Variants in TENM2 observed in about 807,000 individuals in gnomAD.
The protein encoded by TENM2 is teneurin-2.
A neutral mutation model predicts 245.2 loss-of-function variants in TENM2; 52 were observed. That is an observed-to-expected ratio of 0.21 (90% CI 0.17 to 0.27). The LOEUF (loss-of-function observed/expected upper bound fraction) is 0.27. Ranked by LOEUF, TENM2 falls within the 10% of genes least tolerant of loss-of-function variation. The pLI is 1.00. For synonymous variants in TENM2, 1,363 were observed against 1,438.9 expected, an observed-to-expected ratio of 0.95 and a Z score of 1.19; for missense variants, 3,046 against 3,666.8, an observed-to-expected ratio of 0.83 and a Z score of 4.37.
At chr5:168,035,690 G>A (rs1034180740) in intron 5 of TENM2, among the ~76,000 whole-genome samples, 1 of 152,092 alleles carries the variant, frequency 6.6e-6, no homozygotes, top group Non-Finnish European at 1.5e-5. Flanking sequence ...AGGATCTGAG[G>A]GCACCGATTC....
chr5:167,657,820 G>A (rs1754948308), intron 2 of TENM2, among the ~76,000 whole-genome samples: 1 of 152,130 alleles, frequency 6.6e-6, no homozygotes, highest in South Asian at 2.1e-4. Context: ...TAGATAGTAG[G>A]CCAAATGTGG....
At position 167,470,454 on chromosome 5, in the gene TENM2, C is replaced by CTTTTTTTTTTTTTTTTTTTT. The variant is rs749016436; in HGVS notation, c.502+94984_502+95003dup. Among the ~76,000 whole-genome samples, 50 of 47,392 alleles carry CTTTTTTTTTTTTTTTTTTTT rather than the reference C, an allele frequency of 1.1e-3. 3 individuals are homozygous for CTTTTTTTTTTTTTTTTTTTT. Among genetic ancestry groups the CTTTTTTTTTTTTTTTTTTTT allele is most frequent in the Middle Eastern group, 0.029 (1 of 34 alleles). The allele number at this position is 47,392 out of a possible 152,430, so 31.1% of individuals were successfully genotyped here. A position where few individuals can be genotyped will look rare whatever the true frequency, so the allele number is the denominator to read the frequency against. On this transcript the variant is annotated intron_variant, in intron 2 of 28. Coordinates refer to ENST00000518659, the Ensembl canonical transcript of TENM2. ...TACAGAGAGGTATGGGCAATGCTTGCTTTTTTTTTTTTTTTTTTTTTTGCT... is the reference window on the plus strand; with the variant it reads ...TACAGAGAGGTATGGGCAATGCTTGCTTTTTTTTTTTTTTTTTTTTTTTTTTTTTTTTTTTTTTTTTTGCT...
chr5:167,758,477 G>A (rs1336858702), intron 2 of TENM2, among the ~76,000 whole-genome samples: 1 of 152,046 alleles, frequency 6.6e-6, no homozygotes, highest in Non-Finnish European at 1.5e-5. Context: ...AGAGAGAGAG[G>A]CAGGAGCACT....
At chr5:167,962,881 T>G (rs1207349150) in intron 4 of TENM2, among the ~76,000 whole-genome samples, 1 of 152,150 alleles carries the variant, frequency 6.6e-6, no homozygotes, top group Non-Finnish European at 1.5e-5. Context: ...AGATGAGATT[T>G]GGGTAGGGAC....
At chr5:167,423,091 A>ATT (rs11463489) in intron 2 of TENM2, among the ~76,000 whole-genome samples, 33 of 149,988 alleles carry the variant, frequency 2.2e-4, no homozygotes, top group Middle Eastern at 3.4e-3. Context: ...CCGTACCTTC[A>ATT]TTTTTTTTTT....
the TENM2 span, among the ~76,000 whole-genome samples, chr5:167,000,916 T>C: frequency 6.6e-6 from 1 of 152,148 alleles, no homozygotes; most frequent in Non-Finnish European, 1.5e-5. Flanking sequence ...TAAGTTGTTG[T>C]ATTTGGTATG....
At position 167,851,339 on chromosome 5, in the gene TENM2, A is replaced by G. The variant is rs185079519; in HGVS notation, c.503-24647A>G. Among the ~76,000 whole-genome samples the G allele has an allele frequency of 8.5e-5, 13 of 152,318 alleles. No individual in the cohort carries two copies. The East Asian group carries it at 2.3e-3, about 27-fold the overall frequency. ...GCTTGTGTGCATAGTCATTGACTTT[A>G]TAAAAAATCAGATTACAAGGAATAA... On this transcript the variant is annotated intron_variant, in intron 2 of 28. Transcript: ENST00000518659.
intron 1 of TENM2, among the ~76,000 whole-genome samples, chr5:167,367,005 A>G (rs1186345057): frequency 3.3e-5 from 5 of 152,174 alleles, no homozygotes; most frequent in Non-Finnish European, 7.4e-5. Context: ...CCAGTTTTTC[A>G]GCAGAACCCT....
chr5:167,700,464 G>A (rs1057329453), intron 2 of TENM2, among the ~76,000 whole-genome samples: 2 of 152,154 alleles, frequency 1.3e-5, no homozygotes, highest in Non-Finnish European at 2.9e-5. Context: ...AACATGCATG[G>A]TAGCTTTAGG....
intron 1 of TENM2, among the ~76,000 whole-genome samples, chr5:167,372,645 G>T (rs955342936): frequency 1.3e-5 from 2 of 152,210 alleles, no homozygotes; most frequent in African/African-American, 2.4e-5. Flanking sequence ...CTCACATGTG[G>T]AATAAAAATA....
chr5:167,700,922 C>T (rs1244519677), intron 2 of TENM2, among the ~76,000 whole-genome samples: 2 of 142,060 alleles, frequency 1.4e-5, no homozygotes, highest in African/African-American at 5.2e-5. Context: ...TTAGTTCAGC[C>T]CCAGTACACA....
At chr5:167,016,281 C>CAAAAAA in the TENM2 span, among the ~76,000 whole-genome samples, 6 of 78,862 alleles carry the variant, frequency 7.6e-5, 1 homozygote, top group East Asian at 3.8e-4. Flanking sequence ...AACAAACAAA[C>CAAAAAA]AAAAAAAAAA....
rs571791743 is a variant in TENM2, at chr5:168,007,220, C to T, written c.1186+14038C>T. ...CGGCTCACTGCAACACCTCTGCCTC[C>T]CGGATTCAAGCAATTCTCCCGCCTC... On this transcript the variant is annotated intron_variant, in intron 5 of 28. Coordinates refer to ENST00000518659, the Ensembl canonical transcript of TENM2. Among the ~76,000 whole-genome samples the T allele has an allele frequency of 2.9e-4, 44 of 152,148 alleles. 2 individuals are homozygous for T. Among genetic ancestry groups the T allele is most frequent in the African/African-American group, 1.1e-3 (44 of 41,516 alleles).
chr5:167,287,079 A>G (rs1033209468), intron 1 of TENM2, among the ~76,000 whole-genome samples: 3 of 152,258 alleles, frequency 2.0e-5, no homozygotes, highest in Non-Finnish European at 2.9e-5. Flanking sequence ...GTATTTGCAT[A>G]TGCAAGTGCA....
In TENM2 at chr5:167,588,647, G is replaced by T. The variant is rs1350077373; in HGVS notation, c.502+213174G>T. Reference sequence around the variant, plus strand: ...AACAACAAAAGAAATAAAATCTACTGTAAGTATATACTGAAGTAATAATCT... The same window carrying T: ...AACAACAAAAGAAATAAAATCTACTTTAAGTATATACTGAAGTAATAATCT... On this transcript the variant is annotated intron_variant, in intron 2 of 28. Transcript: ENST00000518659. Among the ~76,000 whole-genome samples the T allele has an allele frequency of 2.6e-5, 4 of 152,212 alleles. No homozygotes were observed. In the South Asian group the frequency reaches 8.3e-4, roughly 32 times the overall value.
chr5:167,584,702 T>C (rs1187451971), intron 2 of TENM2, among the ~76,000 whole-genome samples: 1 of 151,638 alleles, frequency 6.6e-6, no homozygotes, highest in East Asian at 1.9e-4. Context: ...ACTTTTCTTT[T>C]TTTTTTTTTT....
At chr5:168,125,277 G>A (rs918310420) in intron 11 of TENM2, among the ~76,000 whole-genome samples, 1 of 152,142 alleles carries the variant, frequency 6.6e-6, no homozygotes, top group Admixed American at 6.5e-5. Flanking sequence ...AATGCATGAG[G>A]AGCCCAGGAG....
At chr5:167,540,491 T>C (rs1772131456) in intron 2 of TENM2, among the ~76,000 whole-genome samples, 1 of 152,198 alleles carries the variant, frequency 6.6e-6, no homozygotes, top group African/African-American at 2.4e-5. Context: ...TAAAAAAAAT[T>C]GTGTTGGCAT....
At chr5:167,852,479 CT>C (rs1770674211) in intron 2 of TENM2, among the ~76,000 whole-genome samples, 1 of 152,162 alleles carries the variant, frequency 6.6e-6, no homozygotes, top group Non-Finnish European at 1.5e-5. Flanking sequence ...ACGGTAGCAT[CT>C]TTTAGCTGTA....
Sources: allele counts gnomAD v4.1 joint callset (sites outside exome capture counted in the v4.1 genomes callset), GRCh38; gene constraint gnomAD v4.1.1; transcripts MANE v1.5; gene names NCBI Gene and HGNC (gene_info 2026-07-23, HGNC 2026-07-21).